Variants in RRN3 observed in about 807,000 individuals in gnomAD.
RRN3 encodes RNA polymerase I-specific transcription initiation factor RRN3.
In RRN3, 38 loss-of-function variants were observed where a neutral mutation model predicts 82.3. The observed-to-expected ratio is 0.46, with a 90% CI of 0.36 to 0.61. The LOEUF (loss-of-function observed/expected upper bound fraction) is 0.61, where lower values mean the gene tolerates loss of function less well. Among genes scored for constraint, RRN3 ranks in the 20% least tolerant of loss-of-function variants. RRN3 has a pLI of 0.00. For synonymous variants in RRN3, 284 were observed against 284.3 expected, an observed-to-expected ratio of 1.00 and a Z score of 0.01; for missense variants, 726 against 793.1, an observed-to-expected ratio of 0.92 and a Z score of 1.02.
intron 16 of RRN3, among the ~76,000 whole-genome samples, chr16:15,063,704 CAAAAAAAAA>C (rs10664930): frequency 3.4e-5 from 3 of 89,130 alleles, no homozygotes; most frequent in Non-Finnish European, 6.1e-5. Context: ...GACTCTGTCT[CAAAAAAAAA>C]AAAAAAAAAG....
chr16:15,085,742 G>C (rs1306597871), intron 5 of RRN3, 44 bp from the exon 6 acceptor site: 1 of 1,608,748 alleles, frequency 6.2e-7, no homozygotes, highest in Non-Finnish European at 8.5e-7. Context: ...CATTGATCTA[G>C]ACAATGAATG....
At chr16:15,072,920 T>C (rs1470854302) in intron 12 of RRN3, 30 bp downstream of exon 12, 2 of 1,608,018 alleles carry the variant, frequency 1.2e-6, no homozygotes, top group Non-Finnish European at 8.5e-7. Flanking sequence ...CAAAGTAAGC[T>C]AAGATAATGT....
At chr16:15,071,824 T>C (rs1216200610) in intron 12 of RRN3, among the ~76,000 whole-genome samples, 6 of 152,056 alleles carry the variant, frequency 3.9e-5, no homozygotes, top group Admixed American at 6.5e-5. Context: ...ACAAATTCAA[T>C]AGGTTTGTGA....
intron 6 of RRN3, 96 bp from the exon 7 acceptor site, chr16:15,084,801 C>T (rs1412604033): frequency 3.5e-6 from 3 of 864,786 alleles, no homozygotes; most frequent in East Asian, 2.6e-5. Context: ...CACAGTGGCT[C>T]ACGCCTGTAA....
rs576521472 is a variant in RRN3 at position 15,086,062 on chromosome 16, T to C, written c.472+67A>G. 345 of 1,444,604 alleles carry C rather than the reference T, an allele frequency of 2.4e-4. 1 individual carries two copies. The highest frequency in any genetic ancestry group is 3.1e-4 in the Non-Finnish European group (331 of 1,061,184). 89.5% of individuals were successfully genotyped at this position (1,444,604 alleles called of 1,614,324 possible). On this transcript the variant is annotated intron_variant, in intron 5 of 17. Coordinates refer to ENST00000198767, the MANE Select transcript of RRN3 (RefSeq NM_018427.5). ...TTCCATGGTAGCAGTCTCTCATATATAAGGGGAAGGTAGTATTTTAATAAA... is the reference window on the plus strand; with the variant it reads ...TTCCATGGTAGCAGTCTCTCATATACAAGGGGAAGGTAGTATTTTAATAAA...
At chr16:15,076,151 A>T (rs2045446019) in intron 10 of RRN3, among the ~76,000 whole-genome samples, 1 of 152,148 alleles carries the variant, frequency 6.6e-6, no homozygotes, top group Non-Finnish European at 1.5e-5. Context: ...AGGGCACCTG[A>T]ATCCCTGTCT....
intron 5 of RRN3, 37 bp downstream of exon 5, chr16:15,086,092 T>C (rs773678733): frequency 6.3e-7 from 1 of 1,582,322 alleles, no homozygotes; most frequent in Admixed American, 1.7e-5. Context: ...AATAAAGAAG[T>C]ATTAAAAAGA....
Position 15,061,488 on chromosome 16 carries a change from C to A in RRN3, c.*256G>T, listed in dbSNP as rs1389174845. On this transcript the variant is annotated 3_prime_UTR_variant, in exon 18 of 18. Transcript: ENST00000198767. ...AAATGTACATATTAAACAAGCAAAT[C>A]CTTCCAAATGTATCATCAACCCCAC... 2 of 394,944 alleles carry A rather than the reference C, an allele frequency of 5.1e-6. No homozygotes were observed. The highest frequency in any genetic ancestry group is 4.1e-5 in the African/African-American group (2 of 48,654). The allele number at this position is 394,944 out of a possible 1,614,324, so 24.5% of individuals were successfully genotyped here. A position where few individuals can be genotyped will look rare whatever the true frequency, so the allele number is the denominator to read the frequency against.
chr16:15,076,674 A>AG (rs772440570), intron 9 of RRN3, 24 bp from the exon 10 acceptor site: 5 of 1,488,460 alleles, frequency 3.4e-6, no homozygotes, highest in Non-Finnish European at 4.7e-6. Context: ...AGAAAAAAAA[A>AG]GAATAAAAGG....
At chr16:15,080,953 G>T (rs537561855) in intron 8 of RRN3, among the ~76,000 whole-genome samples, 1 of 151,896 alleles carries the variant, frequency 6.6e-6, no homozygotes, top group African/African-American at 2.4e-5. Context: ...TGTTTTTAGG[G>T]TTCAATCATG....
intron 7 of RRN3, 87 bp from the exon 8 acceptor site, chr16:15,083,669 A>G: frequency 1.9e-6 from 3 of 1,563,034 alleles, no homozygotes; most frequent in Non-Finnish European, 2.6e-6. Context: ...AAAAGCAAAT[A>G]TTGATAGACA....
At position 15,082,336 on chromosome 16, in the gene RRN3, G is replaced by C. The variant is rs187625581; in HGVS notation, c.666+1177C>G. On this transcript the variant is annotated intron_variant, in intron 8 of 17. Coordinates refer to ENST00000198767, the MANE Select transcript of RRN3 (RefSeq NM_018427.5). ...GATGATTATGTGGTTTTTGTCCTTT[G>C]TTCTATTGCTACAAAATATTTTATT... Among the ~76,000 whole-genome samples, 22 of 151,936 alleles carry C rather than the reference G, an allele frequency of 1.4e-4. No homozygotes were observed. In the East Asian group the frequency reaches 4.1e-3, roughly 28 times the overall value.
chr16:15,089,022 G>A (rs1351512508), intron 3 of RRN3, among the ~76,000 whole-genome samples: 1 of 152,210 alleles, frequency 6.6e-6, no homozygotes. Context: ...ACAAGTCTAG[G>A]CCGGGTGGAG....
intron 2 of RRN3, among the ~76,000 whole-genome samples, chr16:15,091,787 C>T (rs1410292654): frequency 6.6e-5 from 10 of 152,158 alleles, no homozygotes; most frequent in Non-Finnish European, 1.3e-4. Context: ...TGCTGAGATA[C>T]AGTAGAAATG....
In RRN3 at chr16:15,061,866, C is replaced by T. The variant is rs1163693587; in HGVS notation, c.1834G>A (p.Glu612Lys). ...EDEDDDFLKG[E>K]VPQNDTVIGI... The stretch of plus-strand genomic sequence containing the variant: ...ATCACGGTATCATTCTGGGGCACTT[C>T]GCCTTTCAGAAAGTCATCATCTTCA... The change falls in exon 18 of 18, where the codon GAA (glutamate) becomes AAA (lysine). Residue 612 changes from glutamate (E) to lysine (K), a missense_variant. Physicochemically the swap from Glu to Lys is moderately conservative, Grantham distance 56. Coordinates refer to ENST00000198767, the MANE Select transcript of RRN3 (RefSeq NM_018427.5). 1.2e-5 allele frequency: 19 copies of T among 1,613,388 alleles called. No homozygotes were observed. Among genetic ancestry groups the T allele is most frequent in the Non-Finnish European group, 1.6e-5 (19 of 1,179,434 alleles).
At position 15,084,641 on chromosome 16, in the gene RRN3, C is replaced by T. The variant is rs981118950; in HGVS notation, c.596+1G>A. On this transcript the variant is annotated splice_donor_variant, in intron 7 of 17. Coordinates refer to ENST00000198767, the MANE Select transcript of RRN3 (RefSeq NM_018427.5). LOFTEE classifies it high-confidence loss of function. ...TTCAAAATAAGGAAAAGTATACTCACGATGGTACATATCTTGCTATTATTT... is the reference window on the plus strand; with the variant it reads ...TTCAAAATAAGGAAAAGTATACTCATGATGGTACATATCTTGCTATTATTT... The T allele has an allele frequency of 1.0e-5, 16 of 1,597,716 alleles. No homozygotes were observed. Among genetic ancestry groups the T allele is most frequent in the East Asian group, 4.5e-5 (2 of 44,752 alleles).
intron 14 of RRN3, among the ~76,000 whole-genome samples, chr16:15,069,736 T>C (rs1050901332): frequency 8.5e-5 from 13 of 152,244 alleles, no homozygotes; most frequent in African/African-American, 3.1e-4. Flanking sequence ...AAAGAGAAGG[T>C]GCATCCAACT....
rs1043104328 is a variant in RRN3, at chr16:15,076,567, C to T, written c.849G>A (p.Leu283=). Residue 283 remains leucine (L), a synonymous_variant, in exon 10 of 18, where the codon TTG becomes TTA. Coordinates refer to ENST00000198767, the MANE Select transcript of RRN3 (RefSeq NM_018427.5). ...TCGGTDSTEG[L]FNMDEDEETE... is the part of the protein sequence containing the mutation. ...TTAATAAACTGCTAACCATATTAAA[C>T]AATCCTTCCGTGGAATCTGTCCCAC... 6 of 1,609,482 alleles carry T rather than the reference C, an allele frequency of 3.7e-6. No individual in the cohort carries two copies. Among genetic ancestry groups the T allele is most frequent in the Non-Finnish European group, 5.1e-6 (6 of 1,175,868 alleles).
chr16:15,091,435 C>T lies in RRN3; in HGVS notation c.196-64G>A. 2.8e-6 allele frequency: 3 copies of T among 1,075,972 alleles called. No individual in the cohort carries two copies. The South Asian group carries it at 4.3e-5, about 16-fold the overall frequency. The allele number at this position is 1,075,972 out of a possible 1,614,324, so 66.7% of individuals were successfully genotyped here. On this transcript the variant is annotated intron_variant, in intron 2 of 17. Transcript: ENST00000198767. ...TTCCTGTTTAGTATCAACAGCAAGACTTTTAACCGTACTTTAACATCAGAT... is the reference window on the plus strand; with the variant it reads ...TTCCTGTTTAGTATCAACAGCAAGATTTTTAACCGTACTTTAACATCAGAT...
Sources: gnomAD v4.1 joint callset for allele counts (sites outside exome capture counted in the v4.1 genomes callset) on GRCh38, gnomAD v4.1.1 for gene constraint, MANE v1.5 for transcripts, NCBI Gene and HGNC (gene_info 2026-07-23, HGNC 2026-07-21) for gene names.